Variants in CHRM3 observed in about 807,000 individuals in gnomAD.
CHRM3 encodes muscarinic acetylcholine receptor M3.
A neutral mutation model predicts 41.8 loss-of-function variants in CHRM3; 11 were observed. That is an observed-to-expected ratio of 0.26 (90% CI 0.17 to 0.44). CHRM3 has a LOEUF of 0.44. Among genes scored for constraint, CHRM3 ranks in the 20% least tolerant of loss-of-function variants. The probability of loss-of-function intolerance (pLI) is 1.00; values close to 1 mark genes in which losing one functional copy is unlikely to be tolerated. For missense variants in CHRM3, 571 were observed against 745.4 expected, an observed-to-expected ratio of 0.77 and a Z score of 2.72; for synonymous variants, 297 against 301.4, an observed-to-expected ratio of 0.99 and a Z score of 0.15.
At chr1:239,390,098 T>C (rs985512748) in intron 1 of CHRM3, among the ~76,000 whole-genome samples, 25 of 152,210 alleles carry the variant, frequency 1.6e-4, no homozygotes, top group South Asian at 1.2e-3. Context: ...GTCTTTTATG[T>C]TTGTGAATTT....
chr1:239,552,239 CATATATATGTATAGATGATATGTATCAT>C (rs2148446825), intron 3 of CHRM3, among the ~76,000 whole-genome samples: 1 of 61,442 alleles, frequency 1.6e-5, no homozygotes, highest in Non-Finnish European at 4.6e-5. Context: ...TGATATGTAT[CATATATATGTATAGATGATATGTATCAT>C]ATATATGTAT....
chr1:239,673,634 C>G (rs1657635355), intron 4 of CHRM3, among the ~76,000 whole-genome samples: 1 of 152,012 alleles, frequency 6.6e-6, no homozygotes, highest in African/African-American at 2.4e-5. Context: ...TTTATAATTA[C>G]TCTGCCCTAG....
chr1:239,501,783 AG>A (rs994058161), intron 2 of CHRM3, among the ~76,000 whole-genome samples: 1 of 152,096 alleles, frequency 6.6e-6, no homozygotes, highest in Non-Finnish European at 1.5e-5. Flanking sequence ...TGAACCCAGG[AG>A]GTGGAGCTTG....
chr1:239,745,723 G>A lies in CHRM3; in HGVS notation c.-147+67435G>A, dbSNP rs142016293. 2.8e-3 allele frequency among the ~76,000 whole-genome samples: 422 copies of A among 152,198 alleles called. 2 individuals carry two copies. Among genetic ancestry groups the A allele is most frequent in the African/African-American group, 9.2e-3 (380 of 41,528 alleles). ...AGATAAGAGAGTTCTTCAAGGCAAA[G>A]ATGTTAGCCATATCATATTATGCTC... is the stretch of plus-strand genomic sequence containing the variant. On this transcript the variant is annotated intron_variant, in intron 5 of 6. Coordinates refer to ENST00000676153, the MANE Select transcript of CHRM3 (RefSeq NM_001375978.1).
chr1:239,759,007 T>C (rs145223059), intron 5 of CHRM3, among the ~76,000 whole-genome samples: 33 of 152,280 alleles, frequency 2.2e-4, no homozygotes, highest in African/African-American at 7.9e-4. Context: ...GGTTGTCTTA[T>C]AATCAGGTAC....
In CHRM3 at chr1:239,419,311, A is replaced by G; in HGVS notation, c.-521+32084A>G. Among the ~76,000 whole-genome samples, 2 of 151,344 alleles carry G rather than the reference A, an allele frequency of 1.3e-5. 1 individual carries two copies. The highest frequency in any genetic ancestry group is 2.9e-5 in the Non-Finnish European group (2 of 67,916). On this transcript the variant is annotated intron_variant, in intron 1 of 6. Coordinates refer to ENST00000676153, the MANE Select transcript of CHRM3 (RefSeq NM_001375978.1). ...GTCCAGCTATCAAGAGGGTTTTTAT[A>G]AGTACAGTCTATTTATTATAGTCGT...
chr1:239,901,708 T>G (rs1002865656), intron 6 of CHRM3, among the ~76,000 whole-genome samples: 3 of 152,186 alleles, frequency 2.0e-5, no homozygotes, highest in Non-Finnish European at 4.4e-5. Context: ...ATCTGCTGCA[T>G]AGTATTCCCT....
In CHRM3 at chr1:239,816,461, G is replaced by A. The variant is rs1671593806; in HGVS notation, c.-146-10791G>A. On this transcript the variant is annotated intron_variant, in intron 5 of 6. Transcript: ENST00000676153. ...TCTATATGTAAGATCTATATTGCAT[G>A]ACACTGTTTAAAGCAAGGCAAACTG... Among the ~76,000 whole-genome samples the A allele has an allele frequency of 2.0e-5, 3 of 152,090 alleles. 1 individual carries two copies. In the South Asian group the frequency reaches 6.2e-4, roughly 32 times the overall value.
At chr1:239,614,707 T>A (rs921245325) in intron 3 of CHRM3, among the ~76,000 whole-genome samples, 1 of 152,184 alleles carries the variant, frequency 6.6e-6, no homozygotes, top group Non-Finnish European at 1.5e-5. Flanking sequence ...TTTCCAATGA[T>A]GTTTGCTGCT....
intron 6 of CHRM3, among the ~76,000 whole-genome samples, chr1:239,871,066 G>A (rs1341717792): frequency 6.6e-6 from 1 of 152,112 alleles, no homozygotes; most frequent in Admixed American, 6.5e-5. Context: ...GTGAGTTAGG[G>A]TTGTGGAATC....
chr1:239,492,497 T>C (rs1331552280), intron 1 of CHRM3, among the ~76,000 whole-genome samples: 1 of 152,196 alleles, frequency 6.6e-6, no homozygotes, highest in African/African-American at 2.4e-5. Flanking sequence ...TGGTCCTCCT[T>C]CCTCCTAGTG....
intron 6 of CHRM3, among the ~76,000 whole-genome samples, chr1:239,882,096 T>C (rs768283577): frequency 2.0e-5 from 3 of 151,962 alleles, no homozygotes; most frequent in Non-Finnish European, 4.4e-5. Context: ...TTAGTAGAGA[T>C]GGGGTTTCGC....
intron 6 of CHRM3, among the ~76,000 whole-genome samples, chr1:239,883,735 C>T (rs1558208339): frequency 6.6e-6 from 1 of 152,144 alleles, no homozygotes; most frequent in Admixed American, 6.5e-5. Context: ...CACACACAGT[C>T]AATTCTTATT....
intron 1 of CHRM3, among the ~76,000 whole-genome samples, chr1:239,478,403 C>T (rs1666604511): frequency 5.3e-5 from 8 of 152,078 alleles, no homozygotes; most frequent in Admixed American, 5.2e-4. Flanking sequence ...TGACTTTGAT[C>T]ATCTAAAAAG....
Position 239,696,387 on chromosome 1 carries a change from G to A in CHRM3, c.-147+18099G>A, listed in dbSNP as rs140757947. Among the ~76,000 whole-genome samples the A allele has an allele frequency of 4.7e-5, 7 of 148,614 alleles. No homozygotes were observed. The East Asian group carries it at 1.4e-3, about 30-fold the overall frequency. On this transcript the variant is annotated intron_variant, in intron 5 of 6. Coordinates refer to ENST00000676153, the MANE Select transcript of CHRM3 (RefSeq NM_001375978.1). Reference sequence around the variant, plus strand: ...CTGTCATCTGAGTGACAGTGTAGATGTCTTGGCTGAAGCGTGGACACTGGT... The same window carrying A: ...CTGTCATCTGAGTGACAGTGTAGATATCTTGGCTGAAGCGTGGACACTGGT...
chr1:239,911,264 A>ATTCTT lies in CHRM3; in HGVS notation c.*2040_*2041insTTCTT, dbSNP rs1680353217. 6.0e-6 allele frequency: 1 copy of ATTCTT among 167,124 alleles called. No individual in the cohort carries two copies. Among genetic ancestry groups the ATTCTT allele is most frequent in the Non-Finnish European group, 1.5e-5 (1 of 68,136 alleles). 10.4% of individuals were successfully genotyped at this position (167,124 alleles called of 1,614,324 possible). ...ATCATTTTACACAGGGAAAAAAAAA[A>ATTCTT]ACAATCAGCATAATTGTAAGAATGA... On this transcript the variant is annotated 3_prime_UTR_variant, in exon 7 of 7. Transcript: ENST00000676153.
chr1:239,674,292 A>T (rs538845762), intron 4 of CHRM3, among the ~76,000 whole-genome samples: 66 of 152,202 alleles, frequency 4.3e-4, no homozygotes, highest in Non-Finnish European at 8.8e-4. Context: ...GTACATATTT[A>T]TAGGACCACT....
At chr1:239,891,887 TA>T (rs571630937) in intron 6 of CHRM3, among the ~76,000 whole-genome samples, 34 of 152,268 alleles carry the variant, frequency 2.2e-4, no homozygotes, top group Non-Finnish European at 4.1e-4. Flanking sequence ...TGGTCAGCCT[TA>T]AGGGAAGAAA....
chr1:239,462,303 T>A (rs1425467320), intron 1 of CHRM3, among the ~76,000 whole-genome samples: 5 of 152,148 alleles, frequency 3.3e-5, no homozygotes, highest in Non-Finnish European at 7.4e-5. Context: ...AAGTAGAAAA[T>A]GTCCCTGGGT....
Sources: allele counts gnomAD v4.1 joint callset (sites outside exome capture counted in the v4.1 genomes callset), GRCh38; gene constraint gnomAD v4.1.1; transcripts MANE v1.5; gene names NCBI Gene and HGNC (gene_info 2026-07-23, HGNC 2026-07-21).